Variants in CDC45 observed in about 807,000 individuals in gnomAD.
CDC45 encodes the protein cell division cycle 45, also known as cell division control protein 45 homolog.
CDC45 carries 54 observed loss-of-function variants against 77.8 expected under a neutral mutation model. That is an observed-to-expected ratio of 0.69 (90% CI 0.56 to 0.87). CDC45 has a LOEUF of 0.87. CDC45 is among the 40% of genes least tolerant of loss of function. The probability of loss-of-function intolerance (pLI) is 0.00; values close to 1 mark genes in which losing one functional copy is unlikely to be tolerated. For synonymous variants in CDC45, 260 were observed against 272.1 expected (o/e 0.96, Z 0.44); for missense variants, 649 against 721.6 (o/e 0.90, Z 1.15).
chr22:19,484,923 CTT>C (rs1222699135), intron 5 of CDC45, among the ~76,000 whole-genome samples: 1 of 147,470 alleles, frequency 6.8e-6, no homozygotes, highest in Non-Finnish European at 1.5e-5. Flanking sequence ...TTTTGGAAGA[CTT>C]TTTGTTTTTT....
intron 5 of CDC45, among the ~76,000 whole-genome samples, chr22:19,485,760 T>C (rs926331870): frequency 2.6e-5 from 4 of 152,192 alleles, no homozygotes; most frequent in Non-Finnish European, 4.4e-5. Flanking sequence ...GTTGAAAGGA[T>C]AGTACAGTGA....
chr22:19,492,086 G>T (rs1483178500), intron 5 of CDC45, among the ~76,000 whole-genome samples: 1 of 152,098 alleles, frequency 6.6e-6, no homozygotes, highest in Non-Finnish European at 1.5e-5. Context: ...GATTATAGGT[G>T]TGAACCACCA....
At chr22:19,495,911 AT>A in intron 6 of CDC45, 69 bp from the exon 7 acceptor site, 1 of 1,026,696 alleles carries the variant, frequency 9.7e-7, no homozygotes. Flanking sequence ...CAAGTTTAGC[AT>A]TTTTCCAAAA....
At chr22:19,494,852 G>T (rs1473749247) in intron 6 of CDC45, among the ~76,000 whole-genome samples, 1 of 152,152 alleles carries the variant, frequency 6.6e-6, no homozygotes, top group East Asian at 1.9e-4. Context: ...TCAGCTGAGG[G>T]CATGCACTCC....
chr22:19,483,983 A>T lies in CDC45; in HGVS notation c.464A>T (p.Glu155Val). The T allele has an allele frequency of 6.2e-7, 1 of 1,609,418 alleles. No individual in the cohort carries two copies. The highest frequency in any genetic ancestry group is 1.1e-5 in the South Asian group (1 of 89,980). ...GACAGTGATGGGTCAGAGCCTTCTG[A>T]GAAGCGCACACGGTTAGAAGAGGTG... Reference protein sequence around the residue: ...GNDSDGSEPSEKRTRLEEEIV... With the variant: ...GNDSDGSEPSVKRTRLEEEIV... Residue 155 changes from glutamate (E) to valine (V), a missense_variant, in exon 5 of 19, where the codon GAG becomes GTG. Physicochemically the swap from Glu to Val is moderately radical, Grantham distance 121. Coordinates refer to ENST00000263201, the MANE Select transcript of CDC45 (RefSeq NM_003504.5).
At chr22:19,500,555 T>G (rs182660752) in intron 9 of CDC45, among the ~76,000 whole-genome samples, 1 of 152,092 alleles carries the variant, frequency 6.6e-6, no homozygotes, top group African/African-American at 2.4e-5. Flanking sequence ...TTGAGATATT[T>G]CTTTGGGTCC....
chr22:19,497,313 C>T, intron 7 of CDC45, 73 bp from the exon 8 acceptor site: 1 of 1,414,968 alleles, frequency 7.1e-7, no homozygotes, highest in Non-Finnish European at 1.0e-6. Flanking sequence ...TGGCTCAAGT[C>T]CAGTCTGGCT....
chr22:19,483,625 T>C (rs1053793548), intron 4 of CDC45, among the ~76,000 whole-genome samples: 23 of 152,218 alleles, frequency 1.5e-4, no homozygotes, highest in Admixed American at 1.4e-3. Context: ...CTCAAAGAAC[T>C]GTTTTCAGAT....
intron 9 of CDC45, among the ~76,000 whole-genome samples, chr22:19,501,890 A>AT (rs1361321688): frequency 5.9e-5 from 9 of 151,598 alleles, no homozygotes; most frequent in Non-Finnish European, 7.4e-5. Context: ...AATTTTTTTG[A>AT]TTTTTTTGTA....
chr22:19,483,757 A>T, intron 4 of CDC45, 105 bp from the exon 5 acceptor site: 8 of 1,123,390 alleles, frequency 7.1e-6, no homozygotes, highest in Non-Finnish European at 1.0e-5. Context: ...ATGAACAGGA[A>T]ACTGAGTCAG....
At chr22:19,515,085 C>T in intron 15 of CDC45, 37 bp downstream of exon 15, 1 of 1,550,128 alleles carries the variant, frequency 6.5e-7, no homozygotes, top group Middle Eastern at 1.8e-4. Context: ...TACAGGAGGG[C>T]AGGTGCTTGG....
chr22:19,507,491 G>T lies in CDC45; in HGVS notation c.930G>T (p.Arg310=). Residue 310 remains arginine, a synonymous_variant, in exon 11 of 19, where the codon CGG becomes CGT. Transcript: ENST00000263201. ...TGTGGTCTGTGCATGGACAGAAGCG[G>T]CTCCAGGAGTTCCTTGCAGACATGG... ...FKLWSVHGQK[R]LQEFLADMGL... 6.2e-7 allele frequency: 1 copy of T among 1,614,182 alleles called. No homozygotes were observed. The highest frequency in any genetic ancestry group is 8.5e-7 in the Non-Finnish European group (1 of 1,180,050).
In CDC45 at chr22:19,482,689, G is replaced by T. The variant is rs1248561968; in HGVS notation, c.205-1G>T. The T allele has an allele frequency of 7.5e-6, 12 of 1,609,402 alleles. No homozygotes were observed. Among genetic ancestry groups the T allele is most frequent in the Admixed American group, 6.8e-5 (4 of 58,830 alleles). ...CTTTACAATATCTTCCTTTTTTTCA[G>T]TTTCATTATTTTATTCTCATAAACT... On this transcript the variant is annotated splice_acceptor_variant, in intron 3 of 18. Coordinates refer to ENST00000263201, the MANE Select transcript of CDC45 (RefSeq NM_003504.5). LOFTEE classifies it high-confidence loss of function.
At chr22:19,499,289 C>A in intron 9 of CDC45, 138 bp downstream of exon 9, 1 of 833,046 alleles carries the variant, frequency 1.2e-6, no homozygotes. Context: ...CCTCCTTGGG[C>A]CCAAGCATTT....
At chr22:19,506,357 T>A (rs1325568045) in intron 10 of CDC45, among the ~76,000 whole-genome samples, 1 of 152,000 alleles carries the variant, frequency 6.6e-6, no homozygotes, top group African/African-American at 2.4e-5. Flanking sequence ...TGGGCTCACT[T>A]ACCCAGGGAC....
At chr22:19,519,714 C>G (rs1327074787) in intron 18 of CDC45, among the ~76,000 whole-genome samples, 1 of 152,268 alleles carries the variant, frequency 6.6e-6, no homozygotes, top group Non-Finnish European at 1.5e-5. Context: ...ATCCATCCAT[C>G]TGTCCATCCC....
intron 18 of CDC45, among the ~76,000 whole-genome samples, chr22:19,519,551 G>A (rs934879044): frequency 6.6e-6 from 1 of 152,230 alleles, no homozygotes; most frequent in Non-Finnish European, 1.5e-5. Context: ...CTCAGCCCAG[G>A]TTCCCCACAG....
chr22:19,482,789 A>G lies in CDC45; in HGVS notation c.304A>G (p.Arg102Gly). 6.2e-7 allele frequency: 1 copy of G among 1,613,988 alleles called. No homozygotes were observed. The highest frequency in any genetic ancestry group is 8.5e-7 in the Non-Finnish European group (1 of 1,179,824). Reference protein sequence around the residue: ...DTIFFVCDTHRPVNVVNVYND... With the variant: ...DTIFFVCDTHGPVNVVNVYND... ...TATATTCTTTGTGTGTGACACCCAT[A>G]GGCCAGTCAATGTCGTCAATGTATA... The change falls in exon 4 of 19, where the codon AGG becomes GGG. Residue 102 changes from arginine (R) to glycine (G), a missense_variant. Physicochemically the swap from Arg to Gly is moderately radical, Grantham distance 125. Transcript: ENST00000263201.
intron 4 of CDC45, among the ~76,000 whole-genome samples, chr22:19,483,382 A>C (rs762493552): frequency 5.9e-5 from 9 of 152,190 alleles, no homozygotes; most frequent in Non-Finnish European, 1.3e-4. Context: ...CAGTGAGCCG[A>C]GATCGTGCCA....
Sources: allele counts gnomAD v4.1 joint callset (sites outside exome capture counted in the v4.1 genomes callset), GRCh38; gene constraint gnomAD v4.1.1; transcripts MANE v1.5; gene names NCBI Gene and HGNC (gene_info 2026-07-23, HGNC 2026-07-21).